Variants in DOT1L observed in about 807,000 individuals in gnomAD.
DOT1L encodes histone-lysine N-methyltransferase, H3 lysine-79 specific.
DOT1L carries 33 observed loss-of-function variants against 153.3 expected under a neutral mutation model. The observed-to-expected ratio is 0.22, with a 90% CI of 0.16 to 0.29. The LOEUF (loss-of-function observed/expected upper bound fraction) is 0.29, where lower values mean the gene tolerates loss of function less well. Among genes scored for constraint, DOT1L ranks in the 10% least tolerant of loss-of-function variants. DOT1L has a pLI of 1.00. For synonymous variants in DOT1L, 1,135 were observed against 965.1 expected (o/e 1.18, Z -3.26); for missense variants, 1,847 against 2,119.9 (o/e 0.87, Z 2.53).
chr19:2,230,508 C>T lies in DOT1L; in HGVS notation c.*716C>T, dbSNP rs1036061851. 33 of 398,690 alleles carry T rather than the reference C, an allele frequency of 8.3e-5. No individual in the cohort carries two copies. Among genetic ancestry groups the T allele is most frequent in the South Asian group, 2.5e-4 (2 of 7,880 alleles). 24.7% of individuals were successfully genotyped at this position (398,690 alleles called of 1,614,324 possible). A position where few individuals can be genotyped will look rare whatever the true frequency, so the allele number is the denominator to read the frequency against. ...GCGCGATGGTGCTGTGAGGACGGCG[C>T]GGGCACGTTGAACAAGTGCATTTAC... On this transcript the variant is annotated 3_prime_UTR_variant, in exon 28 of 28. Transcript: ENST00000398665.
intron 1 of DOT1L, among the ~76,000 whole-genome samples, chr19:2,169,296 G>A (rs1286387708): frequency 6.6e-6 from 1 of 152,204 alleles, no homozygotes; most frequent in African/African-American, 2.4e-5. Flanking sequence ...CCCGGAGGCA[G>A]ATTAACCTTT....
At chr19:2,181,575 T>A (rs2144700742) in intron 2 of DOT1L, among the ~76,000 whole-genome samples, 1 of 152,124 alleles carries the variant, frequency 6.6e-6, no homozygotes, top group East Asian at 1.9e-4. Flanking sequence ...TTTGTGTAGG[T>A]CGGCCAGGGT....
In DOT1L at chr19:2,232,182, T is replaced by C. The variant is rs1309627602; in HGVS notation, c.*2390T>C. On this transcript the variant is annotated 3_prime_UTR_variant, in exon 28 of 28. Transcript: ENST00000398665. ...TGACTGTGGGTGGGCGGGCGGCGCC[T>C]GGGAGTGGCTCTTGCTCAGGAATTG... is the stretch of plus-strand genomic sequence containing the variant. The C allele has an allele frequency of 9.0e-6, 2 of 222,998 alleles. No individual in the cohort carries two copies. The highest frequency in any genetic ancestry group is 1.8e-5 in the Non-Finnish European group (2 of 112,004). 13.8% of individuals were successfully genotyped at this position (222,998 alleles called of 1,614,324 possible). A position where few individuals can be genotyped will look rare whatever the true frequency, so the allele number is the denominator to read the frequency against.
rs1599634954 is a variant in DOT1L, at chr19:2,229,902, A to T, written c.*110A>T. ...CTCCCACCCCTGGACGGCAGAGGCA[A>T]GGACGGACGGGAGCTCCACTGTGAA... On this transcript the variant is annotated 3_prime_UTR_variant, in exon 28 of 28. Coordinates refer to ENST00000398665, the MANE Select transcript of DOT1L (RefSeq NM_032482.3). The T allele has an allele frequency of 1.3e-6, 2 of 1,597,294 alleles. No individual in the cohort carries two copies. The highest frequency in any genetic ancestry group is 4.5e-5 in the East Asian group (2 of 44,762).
chr19:2,223,200 G>A, intron 24 of DOT1L, 81 bp from the exon 25 acceptor site: 2 of 1,508,008 alleles, frequency 1.3e-6, no homozygotes, highest in East Asian at 2.3e-5. Flanking sequence ...GCAGACAGGA[G>A]CCTCCTGGGG....
rs994605568 is a variant in DOT1L, at chr19:2,197,763, A to G, written c.652-2121A>G. Among the ~76,000 whole-genome samples the G allele has an allele frequency of 1.3e-5, 2 of 152,028 alleles. No individual in the cohort carries two copies. Among genetic ancestry groups the G allele is most frequent in the Non-Finnish European group, 2.9e-5 (2 of 68,014 alleles). On this transcript the variant is annotated intron_variant, in intron 7 of 27. Coordinates refer to ENST00000398665, the MANE Select transcript of DOT1L (RefSeq NM_032482.3). The surrounding 1 kb of genome is among the most constrained non-coding windows in gnomAD (Gnocchi z 4.1). ...GCTTTGGCAACACGTGTCAGAAAGA[A>G]CCTGGTGGTGGGGAAAGCAGGTGTC... is the stretch of plus-strand genomic sequence containing the variant.
chr19:2,217,315 C>T lies in DOT1L; in HGVS notation c.2544+225C>T, dbSNP rs1046767829. The stretch of plus-strand genomic sequence containing the variant: ...AGGACATGGGGTTTGTCAGGGTGTC[C>T]CTGATGCCTCTTAGTTCTCAGTGAC... On this transcript the variant is annotated intron_variant, in intron 21 of 27. Coordinates refer to ENST00000398665, the MANE Select transcript of DOT1L (RefSeq NM_032482.3). This position sits in a 1 kb window ranked among gnomAD's most constrained non-coding sequence, Gnocchi z 7.3. 1.3e-5 allele frequency among the ~76,000 whole-genome samples: 2 copies of T among 152,092 alleles called. No individual in the cohort carries two copies. Among genetic ancestry groups the T allele is most frequent in the African/African-American group, 4.8e-5 (2 of 41,410 alleles).
rs1041092504 is a variant in DOT1L, at chr19:2,199,928, C to T, written c.696C>T (p.Ile232=). 16 of 1,613,742 alleles carry T rather than the reference C, an allele frequency of 9.9e-6. No individual in the cohort carries two copies. The East Asian group carries it at 1.1e-4, about 11-fold the overall frequency. Residue 232 remains isoleucine, a synonymous_variant, in exon 8 of 28, where the codon ATC becomes ATT. Coordinates refer to ENST00000398665, the MANE Select transcript of DOT1L (RefSeq NM_032482.3). ...TCTCAGAAGAGTGGAGGGAGCGAATCGCCAACACGAGGTATGGCCAGCGTG... is the reference window on the plus strand; with the variant it reads ...TCTCAGAAGAGTGGAGGGAGCGAATTGCCAACACGAGGTATGGCCAGCGTG... ...DFLSEEWRER[I]ANTSVIFVNN... is the part of the protein sequence containing the mutation.
In DOT1L at chr19:2,194,937, A is replaced by T. The variant is rs2022953853; in HGVS notation, c.651+360A>T. ...TGGGGTGTCATCCCTCACTGGGGAC[A>T]GCCTTGTTTGGACGGGTTCCTGGTC... is the stretch of plus-strand genomic sequence containing the variant. On this transcript the variant is annotated intron_variant, in intron 7 of 27. Transcript: ENST00000398665. Among the ~76,000 whole-genome samples the T allele has an allele frequency of 2.6e-5, 4 of 152,270 alleles. No individual in the cohort carries two copies. In the South Asian group the frequency reaches 8.3e-4, roughly 32 times the overall value.
In DOT1L at chr19:2,194,587, A is replaced by G. The variant is rs1410108218; in HGVS notation, c.651+10A>G. On this transcript the variant is annotated intron_variant, in intron 7 of 27. Transcript: ENST00000398665. Reference sequence around the variant, plus strand: ...GCATGCAGAATACACAGTGAGTGCCATCGCTCCGCCCCGGCTCCCATCGCC... The same window carrying G: ...GCATGCAGAATACACAGTGAGTGCCGTCGCTCCGCCCCGGCTCCCATCGCC... 3 of 1,610,368 alleles carry G rather than the reference A, an allele frequency of 1.9e-6. No individual in the cohort carries two copies. The highest frequency in any genetic ancestry group is 1.7e-6 in the Non-Finnish European group (2 of 1,179,804).
Position 2,213,851 on chromosome 19 carries a change from G to C in DOT1L, c.1662G>C (p.Leu554=). The C allele has an allele frequency of 6.2e-7, 1 of 1,613,142 alleles. No homozygotes were observed. Among genetic ancestry groups the C allele is most frequent in the Non-Finnish European group, 8.5e-7 (1 of 1,180,020 alleles). Residue 554 remains leucine (L), a splice_region_variant and synonymous_variant, in exon 18 of 28, where the codon CTG becomes CTC. Transcript: ENST00000398665. ...TCTCCCCCGCCCCATGTCCCCAGCT[G>C]GGTGTGAAGGCGCTGACCTACAACG... ...RRLFQQKLDE[L]GVKALTYNDL...
In DOT1L at chr19:2,230,624, A is replaced by G; in HGVS notation, c.*832A>G. On this transcript the variant is annotated 3_prime_UTR_variant, in exon 28 of 28. Coordinates refer to ENST00000398665, the MANE Select transcript of DOT1L (RefSeq NM_032482.3). ...GTCCCTTGGTGTTTCTGTACAGGAG[A>G]GAGTCACACTAATGAGTGGCAGTAT... 1 of 398,610 alleles carries G rather than the reference A, an allele frequency of 2.5e-6. No homozygotes were observed. Among genetic ancestry groups the G allele is most frequent in the Non-Finnish European group, 4.4e-6 (1 of 226,060 alleles). 24.7% of individuals were successfully genotyped at this position (398,610 alleles called of 1,614,324 possible).
intron 2 of DOT1L, among the ~76,000 whole-genome samples, chr19:2,182,796 C>T (rs1219280091): frequency 6.6e-6 from 1 of 152,158 alleles, no homozygotes; most frequent in Non-Finnish European, 1.5e-5. Flanking sequence ...CAGGCAGTGG[C>T]GGTGAGAGTG....
Position 2,222,490 on chromosome 19 carries a change from C to G in DOT1L, c.3321C>G (p.Arg1107=), listed in dbSNP as rs2144906474. Residue 1107 remains arginine, a synonymous_variant, in exon 24 of 28, where the codon CGC becomes CGG. Coordinates refer to ENST00000398665, the MANE Select transcript of DOT1L (RefSeq NM_032482.3). The surrounding 1 kb of genome is among the most constrained non-coding windows in gnomAD (Gnocchi z 6.5). ...TGAGCGCAGGCGTGTCCCCCAAGCG[C>G]CGAGCCCTGCCGTCCGTCGCTGGCC... ...PSLSAGVSPK[R]RALPSVAGLF... 11 of 1,590,602 alleles carry G rather than the reference C, an allele frequency of 6.9e-6. No homozygotes were observed. Among genetic ancestry groups the G allele is most frequent in the Non-Finnish European group, 9.4e-6 (11 of 1,171,434 alleles).
In DOT1L at chr19:2,204,210, T is replaced by C. The variant is rs1599582609; in HGVS notation, c.787+1431T>C. On this transcript the variant is annotated intron_variant, in intron 9 of 27. Coordinates refer to ENST00000398665, the MANE Select transcript of DOT1L (RefSeq NM_032482.3). This position sits in a 1 kb window ranked among gnomAD's most constrained non-coding sequence, Gnocchi z 5.7. Reference sequence around the variant, plus strand: ...GTGCGTGCCTGTGCGTGCCTGTGTCTGCATGTCTGTGCCTGTGTGCATGCC... The same window carrying C: ...GTGCGTGCCTGTGCGTGCCTGTGTCCGCATGTCTGTGCCTGTGTGCATGCC... 6.6e-6 allele frequency among the ~76,000 whole-genome samples: 1 copy of C among 152,018 alleles called. No individual in the cohort carries two copies. Among genetic ancestry groups the C allele is most frequent in the African/African-American group, 2.4e-5 (1 of 41,456 alleles).
At chr19:2,209,842 G>A (rs1293190391) in intron 12 of DOT1L, among the ~76,000 whole-genome samples, 1 of 152,168 alleles carries the variant, frequency 6.6e-6, no homozygotes, top group Non-Finnish European at 1.5e-5. Context: ...GGTACCCCTC[G>A]GGGGCCCTCT....
At chr19:2,176,251 A>G (rs1305798379) in intron 1 of DOT1L, among the ~76,000 whole-genome samples, 1 of 152,068 alleles carries the variant, frequency 6.6e-6, no homozygotes, top group African/African-American at 2.4e-5. Flanking sequence ...CCACACCACA[A>G]GGCACCTCTG....
chr19:2,223,186 G>A (rs1296693638), intron 24 of DOT1L, 95 bp from the exon 25 acceptor site: 1 of 1,374,460 alleles, frequency 7.3e-7, no homozygotes, highest in Non-Finnish European at 1.0e-6. Context: ...GGAGACCCTG[G>A]GGTGCAGACA....
intron 22 of DOT1L, among the ~76,000 whole-genome samples, chr19:2,218,947 C>G (rs927210439): frequency 1.3e-5 from 2 of 152,210 alleles, no homozygotes; most frequent in African/African-American, 4.8e-5. Context: ...TCTTTACTCA[C>G]TGCAGCCTCC....
Sources: allele counts gnomAD v4.1 joint callset (sites outside exome capture counted in the v4.1 genomes callset), GRCh38; gene constraint gnomAD v4.1.1; non-coding constraint Gnocchi (gnomAD v3.1); transcripts MANE v1.5; gene names NCBI Gene and HGNC (gene_info 2026-07-23, HGNC 2026-07-21).